The following ZNF195 variants were observed in gnomAD, a reference collection of about 807,000 sequenced individuals.
ZNF195 encodes the protein zinc finger protein 195.
Under a neutral mutation model 19.5 loss-of-function variants are expected in ZNF195, and 11 were observed. The ratio of observed to expected loss-of-function variants is 0.57; its 90% CI spans 0.36 to 0.94. ZNF195 has a LOEUF of 0.94. Among genes scored for constraint, ZNF195 ranks in the 40% least tolerant of loss-of-function variants. The pLI is 0.01. For missense variants in ZNF195, 582 were observed against 709.0 expected, an observed-to-expected ratio of 0.82 and a Z score of 2.03; for synonymous variants, 214 against 248.1, an observed-to-expected ratio of 0.86 and a Z score of 1.29.
Position 3,371,570 on chromosome 11 carries a change from T to C in ZNF195, c.130+7A>G, listed in dbSNP as rs745587365. 6 of 1,613,984 alleles carry C rather than the reference T, an allele frequency of 3.7e-6. No individual in the cohort carries two copies. The highest frequency in any genetic ancestry group is 3.3e-5 in the South Asian group (3 of 91,088). ...TAGGAGGAACTACGTATTGAAGTTATCCTCACCAACGGAGAACAAGTTTCT... is the reference window on the plus strand; with the variant it reads ...TAGGAGGAACTACGTATTGAAGTTACCCTCACCAACGGAGAACAAGTTTCT... On this transcript the variant is annotated splice_region_variant and intron_variant, in intron 2 of 5. Coordinates refer to ENST00000399602, the MANE Select transcript of ZNF195 (RefSeq NM_001130520.3).
chr11:3,371,851 G>T, intron 1 of ZNF195, 148 bp from the exon 2 acceptor site: 2 of 972,292 alleles, frequency 2.1e-6, no homozygotes, highest in Non-Finnish European at 3.0e-6. Flanking sequence ...TGAGGAAAGA[G>T]AATTGCCTGA....
chr11:3,371,515 G>A (rs2269733), intron 2 of ZNF195, 62 bp downstream of exon 2: 1,226,452 of 1,606,932 alleles, frequency 0.76, 470,617 homozygotes, highest in Middle Eastern at 0.82. Flanking sequence ...AAAACATTCC[G>A]CAGAGGAACG....
chr11:3,360,892 T>C, intron 4 of ZNF195, 104 bp from the exon 5 acceptor site: 4 of 976,206 alleles, frequency 4.1e-6, no homozygotes, highest in South Asian at 2.1e-5. Flanking sequence ...CCCTCAGCTC[T>C]TGGCTTCTCC....
At chr11:3,377,004 T>C (rs1849498687) in intron 1 of ZNF195, among the ~76,000 whole-genome samples, 1 of 152,246 alleles carries the variant, frequency 6.6e-6, no homozygotes. Context: ...CCTGGGATTC[T>C]GTTGGAAATC....
At chr11:3,371,551 G>A (rs1310714172) in intron 2 of ZNF195, 26 bp downstream of exon 2, 2 of 1,613,730 alleles carry the variant, frequency 1.2e-6, no homozygotes, top group Non-Finnish European at 1.7e-6. Flanking sequence ...GGCATAGGAG[G>A]AACTACGTAT....
intron 3 of ZNF195, chr11:3,362,488 TTAA>T (rs1589803520): frequency 2.3e-6 from 1 of 431,122 alleles, no homozygotes; most frequent in Non-Finnish European, 4.2e-6. Context: ...GAGGGCAGAT[TTAA>T]TAAGAAAGAA....
chr11:3,361,308 T>C (rs1436435620), intron 4 of ZNF195, among the ~76,000 whole-genome samples: 1 of 152,090 alleles, frequency 6.6e-6, no homozygotes, highest in African/African-American at 2.4e-5. Flanking sequence ...TGCCTGAATC[T>C]CAGTCAAAGA....
Position 3,358,393 on chromosome 11 carries a change from T to C in ZNF195, c.*725A>G, listed in dbSNP as rs1272231238. 7 of 152,218 alleles carry C rather than the reference T, an allele frequency of 4.6e-5. No homozygotes were observed. Among genetic ancestry groups the C allele is most frequent in the Admixed American group, 4.6e-4 (7 of 15,280 alleles). 9.4% of individuals were successfully genotyped at this position (152,218 alleles called of 1,614,324 possible). A position where few individuals can be genotyped will look rare whatever the true frequency, so the allele number is the denominator to read the frequency against. ...ATAAAACAACCACAAAGAGCCTCTC[T>C]ACCAAGATTTTACTCACGCATCTTA... On this transcript the variant is annotated 3_prime_UTR_variant, in exon 6 of 6. Transcript: ENST00000399602.
In ZNF195 at chr11:3,371,686, C is replaced by T; in HGVS notation, c.21G>A (p.Arg7=). The change falls in exon 2 of 6, where the codon AGG becomes AGA. Residue 7 remains arginine, a synonymous_variant. Coordinates refer to ENST00000399602, the MANE Select transcript of ZNF195 (RefSeq NM_001130520.3). The part of the protein sequence containing the change: MTLLTF[R]DVAIEFSLEE... ...CCAGGGAGAATTCTATGGCCACATC[C>T]CTGAACGTCAACAGAGTCTGAAGAA... 1 of 1,607,492 alleles carries T rather than the reference C, an allele frequency of 6.2e-7. No individual in the cohort carries two copies.
At chr11:3,362,406 A>C (rs1848677298) in intron 3 of ZNF195, 2 of 334,644 alleles carry the variant, frequency 6.0e-6, no homozygotes, top group Non-Finnish European at 5.5e-6. Context: ...AGATGAAAGT[A>C]GAAAAATAAT....
At chr11:3,378,702 C>T (rs1849594091) in intron 1 of ZNF195, among the ~76,000 whole-genome samples, 1 of 152,238 alleles carries the variant, frequency 6.6e-6, no homozygotes, top group South Asian at 2.1e-4. Context: ...GCAAGGACTC[C>T]CTCGAGAGAA....
At chr11:3,361,410 T>C (rs907945817) in intron 4 of ZNF195, among the ~76,000 whole-genome samples, 60 of 152,030 alleles carry the variant, frequency 3.9e-4, no homozygotes, top group African/African-American at 1.4e-3. Context: ...ATGCATAAAT[T>C]AACTGAAGAA....
Position 3,367,043 on chromosome 11 carries a change from T to C in ZNF195, c.226+3932A>G, listed in dbSNP as rs112893107. 505 of 373,040 alleles carry C rather than the reference T, an allele frequency of 1.4e-3. 3 individuals are homozygous for C. The highest frequency in any genetic ancestry group is 0.01 in the African/African-American group (470 of 44,844). The allele number at this position is 373,040 out of a possible 1,614,324, so 23.1% of individuals were successfully genotyped here. A position where few individuals can be genotyped will look rare whatever the true frequency, so the allele number is the denominator to read the frequency against. On this transcript the variant is annotated intron_variant, in intron 3 of 5. Transcript: ENST00000399602. ...TGGCACCACTGCACTACAGCCTGGG[T>C]GATAGAGTGAAACTCTGTGTAAAAA...
chr11:3,372,739 T>A (rs891489142), intron 1 of ZNF195, among the ~76,000 whole-genome samples: 1 of 152,184 alleles, frequency 6.6e-6, no homozygotes, highest in Non-Finnish European at 1.5e-5. Context: ...TAATCTGTTT[T>A]CTTTTGTCTT....
At chr11:3,366,093 T>TAA in intron 3 of ZNF195, among the ~76,000 whole-genome samples, 2 of 142,002 alleles carry the variant, frequency 1.4e-5, no homozygotes, top group African/African-American at 5.1e-5. Context: ...CCATCTCTAC[T>TAA]AAAAAAAAAA....
At chr11:3,371,189 G>A in intron 2 of ZNF195, 119 bp from the exon 3 acceptor site, 1 of 937,598 alleles carries the variant, frequency 1.1e-6, no homozygotes, top group Non-Finnish European at 1.6e-6. Context: ...CCAAAATTAT[G>A]CTTCCTGACA....
chr11:3,361,765 A>G lies in ZNF195; in HGVS notation c.351T>C (p.Asn117=). 7.7e-7 allele frequency: 1 copy of G among 1,294,306 alleles called. No individual in the cohort carries two copies. The highest frequency in any genetic ancestry group is 3.0e-4 in the Middle Eastern group (1 of 3,332). The allele number at this position is 1,294,306 out of a possible 1,614,324, so 80.2% of individuals were successfully genotyped here. A position where few individuals can be genotyped will look rare whatever the true frequency, so the allele number is the denominator to read the frequency against. The change falls in exon 4 of 6, where the codon AAT becomes AAC. Residue 117 remains asparagine (N), a synonymous_variant. Coordinates refer to ENST00000399602, the MANE Select transcript of ZNF195 (RefSeq NM_001130520.3). Reference sequence around the variant, plus strand: ...TACCAGTGAATTTGTCCACAGAAACATTGAGGCCTGGCTGGGCACGGTGGT... The same window carrying G: ...TACCAGTGAATTTGTCCACAGAAACGTTGAGGCCTGGCTGGGCACGGTGGT... ...GVNHRAQPGL[N]VSVDKFTALC...
At position 3,359,061 on chromosome 11, in the gene ZNF195, T is replaced by C; in HGVS notation, c.*57A>G. 1.3e-6 allele frequency: 2 copies of C among 1,485,628 alleles called. No individual in the cohort carries two copies. Among genetic ancestry groups the C allele is most frequent in the African/African-American group, 1.4e-5 (1 of 71,380 alleles). The allele number at this position is 1,485,628 out of a possible 1,614,324, so 92.0% of individuals were successfully genotyped here. On this transcript the variant is annotated 3_prime_UTR_variant, in exon 6 of 6. Coordinates refer to ENST00000399602, the MANE Select transcript of ZNF195 (RefSeq NM_001130520.3). The surrounding 1 kb of genome is among the most constrained non-coding windows in gnomAD (Gnocchi z 5.5). ...ATTAAGTCTGAACTCTGATGTAAAG[T>C]GGGATGCGAGCAGATACTAACGGCT...
chr11:3,378,033 G>A (rs935546697), intron 1 of ZNF195: 13 of 722,322 alleles, frequency 1.8e-5, no homozygotes, highest in Non-Finnish European at 2.2e-5. Flanking sequence ...GTCCAGGCTG[G>A]GCGCAGTGGC....
Sources: gnomAD v4.1 joint callset for allele counts (sites outside exome capture counted in the v4.1 genomes callset) on GRCh38, gnomAD v4.1.1 for gene constraint, Gnocchi (gnomAD v3.1) non-coding constraint, MANE v1.5 for transcripts, NCBI Gene and HGNC (gene_info 2026-07-23, HGNC 2026-07-21) for gene names.